ABCC10: variants seen among roughly 807,000 people sequenced by gnomAD.
The protein encoded by ABCC10 is ATP-binding cassette sub-family C member 10.
In ABCC10, 110 loss-of-function variants were observed where a neutral mutation model predicts 143.2. The ratio of observed to expected loss-of-function variants is 0.77; its 90% CI spans 0.66 to 0.90. ABCC10 has a LOEUF of 0.90. Among genes scored for constraint, ABCC10 ranks in the 40% least tolerant of loss-of-function variants. The probability of loss-of-function intolerance (pLI) is 0.00; values close to 1 mark genes in which losing one functional copy is unlikely to be tolerated. For synonymous variants in ABCC10, 805 were observed against 846.7 expected, an observed-to-expected ratio of 0.95 and a Z score of 0.85; for missense variants, 1,700 against 1,900.5, an observed-to-expected ratio of 0.89 and a Z score of 1.96.
chr6:43,441,943 G>A lies in ABCC10; in HGVS notation c.2209G>A (p.Ala737Thr), dbSNP rs1435908154. ...SGGQRARIAL[A>T]RAVYQEKELY... Reference sequence around the variant, plus strand: ...AGGACAGCGTGCCCGGATTGCCCTTGCTCGTGCTGTCTACCAGGTCAGTTA... The same window carrying A: ...AGGACAGCGTGCCCGGATTGCCCTTACTCGTGCTGTCTACCAGGTCAGTTA... The change falls in exon 9 of 22, where the codon GCT becomes ACT. Residue 737 changes from alanine to threonine, a missense_variant. Physicochemically the swap from Ala to Thr is moderately conservative, Grantham distance 58 (BLOSUM62 0). Coordinates refer to ENST00000372530, the MANE Select transcript of ABCC10 (RefSeq NM_001198934.2). 3 of 1,613,842 alleles carry A rather than the reference G, an allele frequency of 1.9e-6. No homozygotes were observed. In the South Asian group the frequency reaches 3.3e-5, roughly 18 times the overall value.
At chr6:43,436,573 T>C (rs890593904) in intron 6 of ABCC10, among the ~76,000 whole-genome samples, 7 of 152,128 alleles carry the variant, frequency 4.6e-5, no homozygotes, top group African/African-American at 1.2e-4. Flanking sequence ...CTCCCCCAGA[T>C]TGGGGATCTG....
chr6:43,441,366 C>T (rs1332695356), intron 8 of ABCC10, among the ~76,000 whole-genome samples: 3 of 151,944 alleles, frequency 2.0e-5, no homozygotes, highest in East Asian at 1.9e-4. Context: ...GTCCCAGCTA[C>T]TCGAGAGGCT....
At chr6:43,444,707 G>C (rs541251905) in intron 12 of ABCC10, 81 bp from the exon 13 acceptor site, 44 of 1,503,844 alleles carry the variant, frequency 2.9e-5, no homozygotes, top group Admixed American at 2.2e-5. Flanking sequence ...CCAGAGGCAA[G>C]GGCGGAGAAA....
At chr6:43,448,089 C>T (rs775479694) in intron 18 of ABCC10, 152 bp downstream of exon 18, 89 of 1,243,216 alleles carry the variant, frequency 7.2e-5, no homozygotes, top group Non-Finnish European at 9.4e-5. Context: ...GCAAGGACAG[C>T]GAACTCCTAG....
At position 43,432,580 on chromosome 6, in the gene ABCC10, T is replaced by C. The variant is rs893898031; in HGVS notation, c.600T>C (p.Ala200=). 2 of 1,613,592 alleles carry C rather than the reference T, an allele frequency of 1.2e-6. No individual in the cohort carries two copies. The highest frequency in any genetic ancestry group is 1.1e-5 in the South Asian group (1 of 91,084). The change falls in exon 3 of 22, where the codon GCT becomes GCC. Residue 200 remains alanine, a synonymous_variant. Transcript: ENST00000372530. ...CTGGGGGACCACGAGAACCCTGGGC[T>C]CAGGAGCCCCTCCTGCCCGAGGATC... ...AAPGGPREPW[A]QEPLLPEDQE...
rs753497686 is a variant in ABCC10, at chr6:43,448,923, T to G, written c.4002T>G (p.Ser1334Arg). ...AIIPQEPFLF[S>R]GTVRENLDPQ... ...TCCCCCAGGAGCCCTTTTTGTTCAG[T>G]GGGACTGTTCGGGAAAACCTGGACC... The change falls in exon 19 of 22, where the codon AGT (serine) becomes AGG (arginine). Residue 1334 changes from serine (S) to arginine (R), a missense_variant. By Grantham distance (110) the Ser-to-Arg change is moderately radical. Transcript: ENST00000372530. The G allele has an allele frequency of 8.1e-6, 13 of 1,614,140 alleles. 1 individual carries two copies. The highest frequency in any genetic ancestry group is 4.4e-5 in the South Asian group (4 of 91,080).
rs752067275 is a variant in ABCC10 at position 43,444,926 on chromosome 6, CT to C, written c.2829del (p.Gly944GlufsTer34). Reference protein sequence around the residue: ...LFSPQLLLFSPGNLYIPVFPL... With the variant: ...LFSPQLLLFSXGNLYIPVFPL... ...TCTCCGCAGCTGCTCCTCTTTTCCC[CT>C]GGAAACCTCTAGTGAGTGGCTGGGG... On this transcript the variant is annotated frameshift_variant, in exon 13 of 22. Coordinates refer to ENST00000372530, the MANE Select transcript of ABCC10 (RefSeq NM_001198934.2). LOFTEE classifies it high-confidence loss of function. 6.2e-7 allele frequency: 1 copy of C among 1,612,250 alleles called. No homozygotes were observed. The highest frequency in any genetic ancestry group is 8.5e-7 in the Non-Finnish European group (1 of 1,179,136).
Position 43,432,173 on chromosome 6 carries a change from G to A in ABCC10, c.193G>A (p.Gly65Arg). ...AGATTACATCCTACCCTGCAGTCCT[G>A]GATGGCGCCTCCGACTTGCAGCTTC... Reference protein sequence around the residue: ...SPDYILPCSPGWRLRLAASFL... With the variant: ...SPDYILPCSPRWRLRLAASFL... Residue 65 changes from glycine (G) to arginine (R), a missense_variant, in exon 3 of 22, where the codon GGA (glycine) becomes AGA (arginine). Physicochemically the swap from Gly to Arg is moderately radical, Grantham distance 125. Coordinates refer to ENST00000372530, the MANE Select transcript of ABCC10 (RefSeq NM_001198934.2). 2 of 1,614,192 alleles carry A rather than the reference G, an allele frequency of 1.2e-6. No individual in the cohort carries two copies. The highest frequency in any genetic ancestry group is 1.1e-5 in the South Asian group (1 of 91,078).
chr6:43,444,286 AGCTTACTGGAAGGCCGTGGGCCAGGGCTT>A lies in ABCC10; in HGVS notation c.2624_2652del (p.Ala875GlyfsTer19), dbSNP rs1782789954. On this transcript the variant is annotated frameshift_variant, in exon 12 of 22. Coordinates refer to ENST00000372530, the MANE Select transcript of ABCC10 (RefSeq NM_001198934.2). LOFTEE classifies it high-confidence loss of function. ...GCGCCGTGGCCTTGCACGTGTACCA[AGCTTACTGGAAGGCCGTGGGCCAGGGCTT>A]GGCCTTAGCCATCCTCTTCTCTCTG... 1 of 1,613,972 alleles carries A rather than the reference AGCTTACTGGAAGGCCGTGGGCCAGGGCTT, an allele frequency of 6.2e-7. No individual in the cohort carries two copies. Among genetic ancestry groups the A allele is most frequent in the Non-Finnish European group, 8.5e-7 (1 of 1,180,024 alleles).
Position 43,436,184 on chromosome 6 carries a change from G to C in ABCC10, c.1812G>C (p.Leu604Phe), listed in dbSNP as rs1373685388. The C allele has an allele frequency of 1.2e-5, 19 of 1,614,168 alleles. No homozygotes were observed. The highest frequency in any genetic ancestry group is 1.5e-5 in the Non-Finnish European group (18 of 1,180,028). ...PSTVLELHGA[L>F]FSWDPVGTSL... is the part of the protein sequence containing the mutation. The stretch of plus-strand genomic sequence containing the variant: ...CAGTATTGGAGCTGCATGGAGCCTT[G>C]TTCTCCTGGGACCCAGTTGGAACCA... The change falls in exon 6 of 22, where the codon TTG becomes TTC. Residue 604 changes from leucine (L) to phenylalanine (F), a missense_variant. Leu to Phe is a conservative substitution (Grantham distance 22). Coordinates refer to ENST00000372530, the MANE Select transcript of ABCC10 (RefSeq NM_001198934.2).
At chr6:43,445,549 C>T (rs777916940) in intron 14 of ABCC10, 50 bp from the exon 15 acceptor site, 1 of 1,540,546 alleles carries the variant, frequency 6.5e-7, no homozygotes, top group Non-Finnish European at 8.9e-7. Context: ...TGCCTGCCAA[C>T]CCCTCTTCTG....
Position 43,448,957 on chromosome 6 carries a change from C to T in ABCC10, c.4036C>T (p.Leu1346=), listed in dbSNP as rs768651611. ...TVRENLDPQG[L]HKDRALWQAL... Reference sequence around the variant, plus strand: ...TCGGGAAAACCTGGACCCCCAGGGCCTACATAAGGACAGGGCCTTGTGGCA... The same window carrying T: ...TCGGGAAAACCTGGACCCCCAGGGCTTACATAAGGACAGGGCCTTGTGGCA... Residue 1346 remains leucine, a synonymous_variant, in exon 19 of 22, where the codon CTA becomes TTA. Transcript: ENST00000372530. The T allele has an allele frequency of 6.2e-7, 1 of 1,614,192 alleles. No homozygotes were observed. Among genetic ancestry groups the T allele is most frequent in the Non-Finnish European group, 8.5e-7 (1 of 1,180,020 alleles).
At chr6:43,438,855 A>G in intron 8 of ABCC10, 60 bp downstream of exon 8, 1 of 1,578,892 alleles carries the variant, frequency 6.3e-7, no homozygotes, top group Non-Finnish European at 8.6e-7. Context: ...CTGACACCTC[A>G]AACCAGGAGC....
At chr6:43,436,836 A>C (rs1781779794) in intron 6 of ABCC10, among the ~76,000 whole-genome samples, 1 of 152,146 alleles carries the variant, frequency 6.6e-6, no homozygotes, top group African/African-American at 2.4e-5. Context: ...TGCCTCCACC[A>C]CATTTGGCTC....
At chr6:43,428,696 T>C (rs1263541951) in intron 2 of ABCC10, among the ~76,000 whole-genome samples, 2 of 152,162 alleles carry the variant, frequency 1.3e-5, no homozygotes, top group Non-Finnish European at 2.9e-5. Flanking sequence ...TCAACTTGAT[T>C]TTGTATTTAG....
In ABCC10 at chr6:43,427,566, C is replaced by T. The variant is rs1034789987; in HGVS notation, c.-203C>T. 6.7e-6 allele frequency: 2 copies of T among 298,782 alleles called. No individual in the cohort carries two copies. The highest frequency in any genetic ancestry group is 2.3e-5 in the African/African-American group (1 of 44,408). The allele number at this position is 298,782 out of a possible 1,614,324, so 18.5% of individuals were successfully genotyped here. A position where few individuals can be genotyped will look rare whatever the true frequency, so the allele number is the denominator to read the frequency against. Reference sequence around the variant, plus strand: ...AGCATATGGGCGTGGCGAATAGCGCCGGCTAGGTCTTCCAACCTCTAGGTG... The same window carrying T: ...AGCATATGGGCGTGGCGAATAGCGCTGGCTAGGTCTTCCAACCTCTAGGTG... On this transcript the variant is annotated 5_prime_UTR_variant, in exon 1 of 22. Transcript: ENST00000372530.
At chr6:43,444,044 T>C in intron 11 of ABCC10, 34 bp downstream of exon 11, 1 of 1,610,480 alleles carries the variant, frequency 6.2e-7, no homozygotes, top group Non-Finnish European at 8.5e-7. Context: ...AGGGCTTGCT[T>C]TTCCCTGCCA....
Position 43,443,155 on chromosome 6 carries a change from G to C in ABCC10, c.2412G>C (p.Arg804=). 3.1e-6 allele frequency: 5 copies of C among 1,595,304 alleles called. No individual in the cohort carries two copies. The highest frequency in any genetic ancestry group is 1.3e-5 in the African/African-American group (1 of 74,740). Residue 804 remains arginine (R), a synonymous_variant, in exon 10 of 22, where the codon CGG becomes CGC. Transcript: ENST00000372530. This position sits in a 1 kb window ranked among gnomAD's most constrained non-coding sequence, Gnocchi z 4.2. ...VLLMEAGRLI[R]AGPPSEILPL... ...TGATGGAGGCCGGGCGCCTCATCCG[G>C]GCTGGTAATGGGGGCAGGAGCCCCG...
At position 43,438,610 on chromosome 6, in the gene ABCC10, C is replaced by T. The variant is rs1471544355; in HGVS notation, c.1956-14C>T. On this transcript the variant is annotated splice_polypyrimidine_tract_variant and intron_variant, in intron 7 of 21. Coordinates refer to ENST00000372530, the MANE Select transcript of ABCC10 (RefSeq NM_001198934.2). Reference sequence around the variant, plus strand: ...GAGAGCTGGTCCTCATATTGCTCGCCTGGCTCTCTGCAGGCTGCGTGGGCA... The same window carrying T: ...GAGAGCTGGTCCTCATATTGCTCGCTTGGCTCTCTGCAGGCTGCGTGGGCA... The T allele has an allele frequency of 1.2e-6, 2 of 1,612,786 alleles. No homozygotes were observed. Among genetic ancestry groups the T allele is most frequent in the Admixed American group, 3.3e-5 (2 of 59,970 alleles).
Sources: gnomAD v4.1 joint callset for allele counts (sites outside exome capture counted in the v4.1 genomes callset) on GRCh38, gnomAD v4.1.1 for gene constraint, Gnocchi (gnomAD v3.1) non-coding constraint, MANE v1.5 for transcripts, NCBI Gene and HGNC (gene_info 2026-07-23, HGNC 2026-07-21) for gene names.